WDR19: variants seen among roughly 807,000 people sequenced by gnomAD.
WDR19 encodes WD repeat domain 19.
WDR19 carries 121 observed loss-of-function variants against 180.0 expected under a neutral mutation model. The observed-to-expected ratio is 0.67, with a 90% CI of 0.58 to 0.78. WDR19 has a LOEUF of 0.78. Among genes scored for constraint, WDR19 ranks in the 30% least tolerant of loss-of-function variants. WDR19 has a pLI of 0.00. For synonymous variants in WDR19, 497 were observed against 540.7 expected, an observed-to-expected ratio of 0.92 and a Z score of 1.12; for missense variants, 1,450 against 1,640.7, an observed-to-expected ratio of 0.88 and a Z score of 2.01.
At chr4:39,203,802 A>G in intron 7 of WDR19, 80 bp downstream of exon 7, 1 of 1,280,914 alleles carries the variant, frequency 7.8e-7, no homozygotes, top group Admixed American at 2.0e-5. Flanking sequence ...TTGGATGACT[A>G]AAATAGTGAT....
At chr4:39,277,317 AAAT>A (rs1333723312) in intron 34 of WDR19, among the ~76,000 whole-genome samples, 174 bp downstream of exon 34, 1 of 152,228 alleles carries the variant, frequency 6.6e-6, no homozygotes, top group Admixed American at 6.5e-5. Flanking sequence ...TATTCAAAGC[AAAT>A]AATAATAGTG....
chr4:39,264,921 G>GTTTT (rs10647012), intron 28 of WDR19, among the ~76,000 whole-genome samples: 3 of 141,982 alleles, frequency 2.1e-5, no homozygotes, highest in Non-Finnish European at 3.0e-5. Flanking sequence ...TGGAGATGAC[G>GTTTT]TTTTTTTTTT....
At chr4:39,205,092 TA>T (rs1279580772) in intron 7 of WDR19, 61 bp from the exon 8 acceptor site, 1 of 1,221,966 alleles carries the variant, frequency 8.2e-7, no homozygotes, top group African/African-American at 1.5e-5. Flanking sequence ...TGGATTTGCT[TA>T]ATGGTCTTTT....
intron 28 of WDR19, among the ~76,000 whole-genome samples, chr4:39,259,575 A>G (rs1393555003): frequency 6.6e-6 from 1 of 152,234 alleles, no homozygotes; most frequent in African/African-American, 2.4e-5. Flanking sequence ...AGCATGTGTC[A>G]AGAATTCATG....
chr4:39,221,445 A>G (rs1224523058), intron 14 of WDR19, among the ~76,000 whole-genome samples: 1 of 152,222 alleles, frequency 6.6e-6, no homozygotes, highest in Non-Finnish European at 1.5e-5. Flanking sequence ...TTCTTGAGTG[A>G]TTCAGAAAAT....
chr4:39,267,058 G>C (rs1278837592), intron 29 of WDR19, among the ~76,000 whole-genome samples: 2 of 152,208 alleles, frequency 1.3e-5, no homozygotes, highest in Non-Finnish European at 2.9e-5. Context: ...ACTCCAGCCT[G>C]GGCGACAGAG....
chr4:39,194,251 T>C (rs567222053), intron 4 of WDR19, among the ~76,000 whole-genome samples: 64 of 152,260 alleles, frequency 4.2e-4, no homozygotes, highest in Non-Finnish European at 8.1e-4. Flanking sequence ...CTATCATTAA[T>C]AGACAAATTA....
chr4:39,217,852 A>G (rs2109331305), intron 13 of WDR19, 131 bp from the exon 14 acceptor site: 2 of 1,177,180 alleles, frequency 1.7e-6, no homozygotes, highest in East Asian at 2.4e-5. Flanking sequence ...ATAGCTTTCC[A>G]ACTAAACTGA....
intron 24 of WDR19, among the ~76,000 whole-genome samples, chr4:39,250,954 A>G (rs573968012): frequency 2.6e-5 from 4 of 152,346 alleles, no homozygotes; most frequent in African/African-American, 9.6e-5. Context: ...TATAGATTCA[A>G]TGCCATCCCC....
chr4:39,241,806 A>AAAAAAG (rs1553912729), intron 21 of WDR19, among the ~76,000 whole-genome samples: 19 of 151,588 alleles, frequency 1.3e-4, no homozygotes, highest in South Asian at 1.0e-3. Flanking sequence ...AAAAAAAAAA[A>AAAAAAG]AAAGAAAGAA....
In WDR19 at chr4:39,257,543, G is replaced by T. The variant is rs768769727; in HGVS notation, c.3172G>T (p.Ala1058Ser). 2 of 1,586,516 alleles carry T rather than the reference G, an allele frequency of 1.3e-6. No homozygotes were observed. Among genetic ancestry groups the T allele is most frequent in the Non-Finnish European group, 1.7e-6 (2 of 1,165,298 alleles). Residue 1058 changes from alanine to serine, a missense_variant, in exon 28 of 37, where the codon GCA (alanine) becomes TCA (serine). By Grantham distance (99) the Ala-to-Ser change is moderately conservative. Coordinates refer to ENST00000399820, the MANE Select transcript of WDR19 (RefSeq NM_025132.4). ...SSEDNVAIEM[A>S]IETVGQAKDE... ...GGAAGATAATGTGGCAATAGAAATGGCAATTGAAACTGTAAGTACGCTTTC... is the reference window on the plus strand; with the variant it reads ...GGAAGATAATGTGGCAATAGAAATGTCAATTGAAACTGTAAGTACGCTTTC...
chr4:39,188,532 T>A (rs1725800720), intron 3 of WDR19, among the ~76,000 whole-genome samples: 1 of 149,670 alleles, frequency 6.7e-6, no homozygotes, highest in South Asian at 2.1e-4. Flanking sequence ...TGAACTATAA[T>A]CATTTGAGCC....
intron 36 of WDR19, among the ~76,000 whole-genome samples, chr4:39,284,645 TAAAAA>T (rs144371093): frequency 3.8e-5 from 5 of 132,158 alleles, no homozygotes; most frequent in African/African-American, 5.5e-5. Flanking sequence ...CCTGGCTTTC[TAAAAA>T]AAAAAAAAAA....
Position 39,203,645 on chromosome 4 carries a change from C to G in WDR19, c.526C>G (p.Gln176Glu). ...GATGATGTTTTTACTCCTTTAGACA[C>G]AAGTGAGATCAGAGCCTAGCAACAT... ...NQEGDTIRQTQVRSEPSNMQF... is the reference protein window; with the variant it reads ...NQEGDTIRQTEVRSEPSNMQF... Residue 176 changes from glutamine (Q) to glutamate (E), a missense_variant, in exon 7 of 37, where the codon CAA becomes GAA. Physicochemically the swap from Gln to Glu is conservative, Grantham distance 29. Coordinates refer to ENST00000399820, the MANE Select transcript of WDR19 (RefSeq NM_025132.4). 2 of 1,611,734 alleles carry G rather than the reference C, an allele frequency of 1.2e-6. No homozygotes were observed. The highest frequency in any genetic ancestry group is 8.5e-7 in the Non-Finnish European group (1 of 1,178,928).
intron 21 of WDR19, among the ~76,000 whole-genome samples, chr4:39,241,540 C>T (rs1731950546): frequency 6.7e-6 from 1 of 149,562 alleles, no homozygotes; most frequent in East Asian, 2.0e-4. Context: ...CAGTGGCTCA[C>T]GCTGGTAACC....
At chr4:39,263,602 G>C (rs1468486225) in intron 28 of WDR19, among the ~76,000 whole-genome samples, 1 of 152,078 alleles carries the variant, frequency 6.6e-6, no homozygotes, top group Non-Finnish European at 1.5e-5. Context: ...CTCTCCCTGG[G>C]GGCAGCTGCC....
In WDR19 at chr4:39,205,629, T is replaced by C. The variant is rs748548123; in HGVS notation, c.783T>C (p.Thr261=). ...CGHFVVISTH[T]GELGQEIFQA... ...ATTTTGTGGTCATTTCTACTCATAC[T>C]GGAGAGCTTGGTCAAGAGATATTTC... The change falls in exon 9 of 37, where the codon ACT becomes ACC. Residue 261 remains threonine, a synonymous_variant. Coordinates refer to ENST00000399820, the MANE Select transcript of WDR19 (RefSeq NM_025132.4). 28 of 1,613,204 alleles carry C rather than the reference T, an allele frequency of 1.7e-5. No individual in the cohort carries two copies. The highest frequency in any genetic ancestry group is 1.6e-4 in the Middle Eastern group (1 of 6,080).
rs1175997746 is a variant in WDR19, at chr4:39,244,298, G to A, written c.2472G>A (p.Met824Ile). 4 of 1,613,920 alleles carry A rather than the reference G, an allele frequency of 2.5e-6. No homozygotes were observed. The African/African-American group carries it at 5.3e-5, about 22-fold the overall frequency. The change falls in exon 22 of 37, where the codon ATG (methionine) becomes ATA (isoleucine). Residue 824 changes from methionine (M) to isoleucine (I), a missense_variant. By Grantham distance (10) the Met-to-Ile change is conservative (BLOSUM62 1). Transcript: ENST00000399820. Reference protein sequence around the residue: ...LAGVAQMSIRMGDIRRGVNQA... With the variant: ...LAGVAQMSIRIGDIRRGVNQA... ...GAGTGGCCCAGATGTCCATAAGAAT[G>A]GGAGACATACGTCGAGGGGTTAACC...
intron 21 of WDR19, among the ~76,000 whole-genome samples, chr4:39,240,859 GGCAGAAGAATA>G (rs1731870694): frequency 6.6e-6 from 1 of 151,726 alleles, no homozygotes; most frequent in Non-Finnish European, 1.5e-5. Flanking sequence ...AGGAGGCTGA[GGCAGAAGAATA>G]GCTTGAATCT....
Sources: allele counts gnomAD v4.1 joint callset (sites outside exome capture counted in the v4.1 genomes callset), GRCh38; gene constraint gnomAD v4.1.1; transcripts MANE v1.5; gene names NCBI Gene and HGNC (gene_info 2026-07-23, HGNC 2026-07-21).